LRRC4C: variants seen among roughly 807,000 people sequenced by gnomAD.
LRRC4C encodes leucine-rich repeat-containing protein 4C.
LRRC4C carries 5 observed loss-of-function variants against 33.6 expected under a neutral mutation model. The ratio of observed to expected loss-of-function variants is 0.15; its 90% CI spans 0.08 to 0.31. LRRC4C has a LOEUF of 0.31. Ranked by LOEUF, LRRC4C falls within the 10% of genes least tolerant of loss-of-function variation. The pLI is 1.00. For missense variants in LRRC4C, 560 were observed against 796.7 expected (o/e 0.70, Z 3.58); for synonymous variants, 329 against 302.0 (o/e 1.09, Z -0.93).
intron 3 of LRRC4C, among the ~76,000 whole-genome samples, chr11:40,637,083 CT>C (rs1430261737): frequency 6.6e-6 from 1 of 152,218 alleles, no homozygotes; most frequent in Non-Finnish European, 1.5e-5. Flanking sequence ...CTTCCAGGCA[CT>C]CAGATTCTTT....
intron 1 of LRRC4C, among the ~76,000 whole-genome samples, chr11:41,108,721 T>C (rs543179430): frequency 6.6e-6 from 1 of 152,246 alleles, no homozygotes; most frequent in East Asian, 1.9e-4. Flanking sequence ...TGACAAATAG[T>C]CCCCATTCTA....
At chr11:41,318,820 A>T (rs1321989260) in intron 1 of LRRC4C, among the ~76,000 whole-genome samples, 1 of 152,088 alleles carries the variant, frequency 6.6e-6, no homozygotes, top group African/African-American at 2.4e-5. Context: ...AAACCTGGTG[A>T]GATTGCAGTT....
chr11:40,512,710 T>A (rs1955379236), intron 3 of LRRC4C, among the ~76,000 whole-genome samples: 2 of 152,128 alleles, frequency 1.3e-5, no homozygotes, highest in Admixed American at 1.3e-4. Context: ...ACCTTAAAGA[T>A]CAATCCTAGC....
At chr11:40,843,484 C>T (rs1953009492) in intron 2 of LRRC4C, among the ~76,000 whole-genome samples, 1 of 152,142 alleles carries the variant, frequency 6.6e-6, no homozygotes, top group Non-Finnish European at 1.5e-5. Context: ...GTTAACTAAT[C>T]AATGTCTCAA....
At chr11:41,315,798 A>C (rs1439760349) in intron 1 of LRRC4C, among the ~76,000 whole-genome samples, 2 of 152,228 alleles carry the variant, frequency 1.3e-5, no homozygotes, top group East Asian at 1.9e-4. Flanking sequence ...ATAGATAGTC[A>C]TTGTGAGATT....
At chr11:41,322,638 G>A (rs1000620348) in intron 1 of LRRC4C, among the ~76,000 whole-genome samples, 6 of 152,136 alleles carry the variant, frequency 3.9e-5, no homozygotes, top group African/African-American at 1.2e-4. Flanking sequence ...ACATACGGGT[G>A]TCTATCACCA....
chr11:40,153,027 A>G (rs756885172), intron 5 of LRRC4C, among the ~76,000 whole-genome samples: 2 of 152,174 alleles, frequency 1.3e-5, no homozygotes, highest in African/African-American at 2.4e-5. Flanking sequence ...AAGGACCCTC[A>G]CAGAGTCCAT....
intron 3 of LRRC4C, among the ~76,000 whole-genome samples, chr11:40,500,433 C>T (rs935005490): frequency 2.6e-5 from 4 of 151,532 alleles, no homozygotes; most frequent in South Asian, 4.2e-4. Context: ...CATTTTCATG[C>T]TGTCTTTCAA....
chr11:41,332,906 A>G (rs910520131), intron 1 of LRRC4C, among the ~76,000 whole-genome samples: 4 of 152,214 alleles, frequency 2.6e-5, no homozygotes, highest in Non-Finnish European at 4.4e-5. Flanking sequence ...GTGACTCAGA[A>G]TAACTTCTTC....
At chr11:40,682,832 C>T (rs1411077657) in intron 2 of LRRC4C, among the ~76,000 whole-genome samples, 1 of 151,918 alleles carries the variant, frequency 6.6e-6, no homozygotes, top group Non-Finnish European at 1.5e-5. Context: ...CAGATAAAGT[C>T]ACAGACCTAT....
At chr11:40,837,905 C>T (rs955535468) in intron 2 of LRRC4C, among the ~76,000 whole-genome samples, 1 of 151,292 alleles carries the variant, frequency 6.6e-6, no homozygotes, top group African/African-American at 2.4e-5. Flanking sequence ...TATATATATA[C>T]ACACCCTCAC....
chr11:40,588,373 C>T (rs1026128339), intron 3 of LRRC4C, among the ~76,000 whole-genome samples: 17 of 151,932 alleles, frequency 1.1e-4, no homozygotes, highest in African/African-American at 3.9e-4. Context: ...CTCTTTTTTT[C>T]TTTATTAGCC....
intron 1 of LRRC4C, among the ~76,000 whole-genome samples, chr11:41,075,227 G>C (rs889005540): frequency 1.3e-5 from 2 of 151,830 alleles, no homozygotes; most frequent in Non-Finnish European, 2.9e-5. Context: ...TCCTCCTTGA[G>C]AGAATCAATA....
intron 1 of LRRC4C, among the ~76,000 whole-genome samples, chr11:41,096,121 A>C (rs1940794398): frequency 6.6e-6 from 1 of 152,176 alleles, no homozygotes; most frequent in Non-Finnish European, 1.5e-5. Flanking sequence ...GAGGTCAATG[A>C]AATGAACTCT....
At chr11:40,928,134 T>C (rs906260945) in intron 2 of LRRC4C, among the ~76,000 whole-genome samples, 6 of 151,954 alleles carry the variant, frequency 3.9e-5, no homozygotes, top group Non-Finnish European at 8.8e-5. Flanking sequence ...ATCTAAATCT[T>C]ACACTGTTTT....
intron 1 of LRRC4C, among the ~76,000 whole-genome samples, chr11:41,084,823 C>T (rs1446300164): frequency 2.6e-5 from 4 of 152,094 alleles, no homozygotes; most frequent in Non-Finnish European, 5.9e-5. Context: ...CACTCCAGCC[C>T]GGGTGAAAGA....
chr11:40,383,715 G>A (rs1263832562), intron 3 of LRRC4C, among the ~76,000 whole-genome samples: 1 of 151,448 alleles, frequency 6.6e-6, no homozygotes, highest in African/African-American at 2.4e-5. Context: ...TTTAATACAA[G>A]ATCTCACTTT....
At chr11:41,327,191 A>G (rs1175269623) in intron 1 of LRRC4C, among the ~76,000 whole-genome samples, 1 of 152,120 alleles carries the variant, frequency 6.6e-6, no homozygotes, top group Admixed American at 6.5e-5. Context: ...TGGTCTTGGT[A>G]TCATAATTAT....
chr11:40,124,186 T>TG (rs1465860385), intron 6 of LRRC4C, among the ~76,000 whole-genome samples: 2 of 152,030 alleles, frequency 1.3e-5, no homozygotes, highest in Non-Finnish European at 2.9e-5. Context: ...GGTGAGGATG[T>TG]GGGAAAAAGG....
Sources: gnomAD v4.1 joint callset for allele counts (sites outside exome capture counted in the v4.1 genomes callset) on GRCh38, gnomAD v4.1.1 for gene constraint, MANE v1.5 for transcripts, NCBI Gene and HGNC (gene_info 2026-07-23, HGNC 2026-07-21) for gene names.